The following PDXK variants were observed in gnomAD, a reference collection of about 807,000 sequenced individuals.
The protein encoded by PDXK is pyridoxal kinase, also known as epididymis secretory sperm binding protein Li 1a.
PDXK carries 15 observed loss-of-function variants against 43.2 expected under a neutral mutation model. The ratio of observed to expected loss-of-function variants is 0.35; its 90% CI spans 0.23 to 0.53. The LOEUF (loss-of-function observed/expected upper bound fraction) is 0.53. Among genes scored for constraint, PDXK ranks in the 20% least tolerant of loss-of-function variants. PDXK has a pLI of 0.92. For missense variants in PDXK, 343 were observed against 417.0 expected (o/e 0.82, Z 1.54); for synonymous variants, 172 against 165.4 (o/e 1.04, Z -0.31).
chr21:43,749,169 A>G, intron 6 of PDXK, 89 bp downstream of exon 6: 3 of 718,772 alleles, frequency 4.2e-6, no homozygotes, highest in Non-Finnish European at 6.9e-6. Flanking sequence ...CAGTGGCACG[A>G]TCACAGCTCA....
rs376636942 is a variant in PDXK at position 43,741,716 on chromosome 21, G to T, written c.192G>T (p.Glu64Asp). Residue 64 changes from glutamate (E) to aspartate (D), a missense_variant, in exon 3 of 11, where the codon GAG becomes GAT. By Grantham distance (45) the Glu-to-Asp change is conservative. Transcript: ENST00000291565. ...TGCTGAATTCAGATGAGCTCCAGGA[G>T]TTGTACGAAGGCCTGAGGCTGAACA... ...GQVLNSDELQELYEGLRLNNM... is the reference protein window; with the variant it reads ...GQVLNSDELQDLYEGLRLNNM... 1 of 1,613,368 alleles carries T rather than the reference G, an allele frequency of 6.2e-7. No individual in the cohort carries two copies. Among genetic ancestry groups the T allele is most frequent in the East Asian group, 2.2e-5 (1 of 44,864 alleles).
At position 43,756,769 on chromosome 21, in the gene PDXK, T is replaced by G. The variant is rs1406261652; in HGVS notation, c.*706T>G. The G allele has an allele frequency of 6.6e-6, 1 of 152,186 alleles. No individual in the cohort carries two copies. 9.4% of individuals were successfully genotyped at this position (152,186 alleles called of 1,614,324 possible). ...TACCCGCGGGACCTCTTGTAACCCA[T>G]CGGCATCTTCCAGGAATCCGCCGAG... On this transcript the variant is annotated 3_prime_UTR_variant, in exon 11 of 11. Coordinates refer to ENST00000291565, the MANE Select transcript of PDXK (RefSeq NM_003681.5).
At chr21:43,755,578 C>A (rs1025521218) in intron 9 of PDXK, 120 bp from the exon 10 acceptor site, 1 of 859,834 alleles carries the variant, frequency 1.2e-6, no homozygotes, top group South Asian at 1.4e-5. Context: ...GGAGCCGGCT[C>A]CCCGGTGGCT....
At chr21:43,742,654 C>T (rs2083557520) in intron 3 of PDXK, among the ~76,000 whole-genome samples, 2 of 152,106 alleles carry the variant, frequency 1.3e-5, no homozygotes, top group Admixed American at 1.3e-4. Context: ...AGGAGGGAGG[C>T]TCGCTTGAGA....
Position 43,728,057 on chromosome 21 carries a change from G to A in PDXK, c.88-6012G>A, listed in dbSNP as rs556794898. Among the ~76,000 whole-genome samples the A allele has an allele frequency of 3.3e-5, 5 of 152,362 alleles. No individual in the cohort carries two copies. In the East Asian group the frequency reaches 9.6e-4, roughly 29 times the overall value. ...GGCACTGTGAGCCTGGAAGTAGGGA[G>A]CTGGGTGTCCATGTGCTCTGAGCAG... is the stretch of plus-strand genomic sequence containing the variant. On this transcript the variant is annotated intron_variant, in intron 1 of 10. Coordinates refer to ENST00000291565, the MANE Select transcript of PDXK (RefSeq NM_003681.5).
chr21:43,751,611 G>A (rs2083752707), intron 7 of PDXK, among the ~76,000 whole-genome samples: 1 of 152,190 alleles, frequency 6.6e-6, no homozygotes, highest in African/African-American at 2.4e-5. Flanking sequence ...CTGGAGGCTG[G>A]GAAGTCCAAG....
At chr21:43,744,321 A>C in intron 4 of PDXK, 1 of 164,492 alleles carries the variant, frequency 6.1e-6, no homozygotes, top group Admixed American at 5.8e-5. Context: ...GAGGCCAGGC[A>C]GTGCTGGATC....
At chr21:43,731,835 G>A (rs928809798) in intron 1 of PDXK, among the ~76,000 whole-genome samples, 5 of 152,164 alleles carry the variant, frequency 3.3e-5, no homozygotes, top group Non-Finnish European at 7.3e-5. Flanking sequence ...AATAGAGAAG[G>A]CAAAAAGGGA....
chr21:43,752,310 CAGTT>C (rs2083767239), intron 7 of PDXK, among the ~76,000 whole-genome samples: 1 of 152,232 alleles, frequency 6.6e-6, no homozygotes, highest in Non-Finnish European at 1.5e-5. Context: ...TTTGGGCTGA[CAGTT>C]TGTGGGGGGA....
rs2083922309 is a variant in PDXK at position 43,760,823 on chromosome 21, G to C, written c.*4760G>C. ...CGGGCATCCCATCACCCACCAGGGT[G>C]CACGGTCTCTCCTGCTGGGGGCTTT... On this transcript the variant is annotated 3_prime_UTR_variant, in exon 11 of 11. Transcript: ENST00000291565. 3 of 152,364 alleles carry C rather than the reference G, an allele frequency of 2.0e-5. No individual in the cohort carries two copies. Among genetic ancestry groups the C allele is most frequent in the Admixed American group, 6.5e-5 (1 of 15,306 alleles). The allele number at this position is 152,364 out of a possible 1,614,324, so 9.4% of individuals were successfully genotyped here. A position where few individuals can be genotyped will look rare whatever the true frequency, so the allele number is the denominator to read the frequency against.
Position 43,732,696 on chromosome 21 carries a change from G to A in PDXK, c.88-1373G>A, listed in dbSNP as rs368013253. 3 of 755,904 alleles carry A rather than the reference G, an allele frequency of 4.0e-6. No homozygotes were observed. In the African/African-American group the frequency reaches 5.2e-5, roughly 13 times the overall value. The allele number at this position is 755,904 out of a possible 1,614,324, so 46.8% of individuals were successfully genotyped here. A position where few individuals can be genotyped will look rare whatever the true frequency, so the allele number is the denominator to read the frequency against. On this transcript the variant is annotated intron_variant, in intron 1 of 10. Transcript: ENST00000291565. This position sits in a 1 kb window ranked among gnomAD's most constrained non-coding sequence, Gnocchi z 4.1. ...ATACTGCAAGCTATCTGTGTATAGA[G>A]GCTGTGGATTCGGGCTGGTACATTT...
chr21:43,736,984 G>A lies in PDXK; in HGVS notation c.142+2861G>A, dbSNP rs1183839400. On this transcript the variant is annotated intron_variant, in intron 2 of 10. Transcript: ENST00000291565. ...AGGTCGGTCTCTGTCGCCCAGGCTGGCGTGAAGTGGCGCAACCAGCTCACT... is the reference window on the plus strand; with the variant it reads ...AGGTCGGTCTCTGTCGCCCAGGCTGACGTGAAGTGGCGCAACCAGCTCACT... The A allele has an allele frequency of 8.5e-6, 6 of 703,014 alleles. No individual in the cohort carries two copies. The South Asian group carries it at 8.9e-5, about 10-fold the overall frequency. 43.5% of individuals were successfully genotyped at this position (703,014 alleles called of 1,614,324 possible).
chr21:43,753,319 G>A (rs1031688512), intron 8 of PDXK, among the ~76,000 whole-genome samples: 7 of 152,146 alleles, frequency 4.6e-5, no homozygotes, highest in African/African-American at 7.2e-5. Flanking sequence ...AGTTCTTCAC[G>A]CCGTCGTTAC....
intron 7 of PDXK, among the ~76,000 whole-genome samples, chr21:43,750,751 A>ATGTG (rs1362427263): frequency 7.4e-6 from 1 of 134,502 alleles, no homozygotes; most frequent in Non-Finnish European, 1.6e-5. Flanking sequence ...GTGTGTGTGC[A>ATGTG]TGTGTGCGTG....
intron 6 of PDXK, among the ~76,000 whole-genome samples, chr21:43,749,312 C>A (rs1379267751): frequency 6.6e-6 from 1 of 152,196 alleles, no homozygotes; most frequent in Non-Finnish European, 1.5e-5. Context: ...ACCATGTTGG[C>A]CAGGCTGGTC....
At chr21:43,739,766 C>T (rs1164712908) in intron 2 of PDXK, among the ~76,000 whole-genome samples, 2 of 151,758 alleles carry the variant, frequency 1.3e-5, no homozygotes, top group Non-Finnish European at 2.9e-5. Context: ...CACAGCCAGG[C>T]CATGTCACCT....
intron 1 of PDXK, among the ~76,000 whole-genome samples, chr21:43,731,463 G>C (rs924617856): frequency 2.0e-5 from 3 of 152,210 alleles, no homozygotes; most frequent in African/African-American, 7.2e-5. Flanking sequence ...CCACGGAAGA[G>C]CCCCATAGGC....
In PDXK at chr21:43,753,727, A is replaced by AC. The variant is rs770571042; in HGVS notation, c.759+9dup. 3.7e-6 allele frequency: 6 copies of AC among 1,607,868 alleles called. No individual in the cohort carries two copies. Among genetic ancestry groups the AC allele is most frequent in the Non-Finnish European group, 5.1e-6 (6 of 1,176,138 alleles). The stretch of plus-strand genomic sequence containing the variant: ...CACCCCAATAACCTCAAGGTCAGCC[A>AC]CACGCACCGCTCCCCTCCTCGCCCA... On this transcript the variant is annotated intron_variant, in intron 9 of 10. Transcript: ENST00000291565.
intron 9 of PDXK, chr21:43,755,376 G>A (rs1299429157): frequency 5.6e-6 from 2 of 358,582 alleles, no homozygotes; most frequent in African/African-American, 4.2e-5. Context: ...CTCGTTATAA[G>A]GAGTTAATTC....
Sources: allele counts gnomAD v4.1 joint callset (sites outside exome capture counted in the v4.1 genomes callset), GRCh38; gene constraint gnomAD v4.1.1; non-coding constraint Gnocchi (gnomAD v3.1); transcripts MANE v1.5; gene names NCBI Gene and HGNC (gene_info 2026-07-23, HGNC 2026-07-21).